PRRC2C: variants seen among roughly 807,000 people sequenced by gnomAD.
The protein encoded by PRRC2C is protein PRRC2C.
PRRC2C carries 72 observed loss-of-function variants against 317.2 expected under a neutral mutation model. That is an observed-to-expected ratio of 0.23 (90% CI 0.19 to 0.28). The LOEUF (loss-of-function observed/expected upper bound fraction) is 0.28, where lower values mean the gene tolerates loss of function less well. Among genes scored for constraint, PRRC2C ranks in the 10% least tolerant of loss-of-function variants. The pLI, the probability that PRRC2C is intolerant of heterozygous loss-of-function variation, is 1.00. For synonymous variants in PRRC2C, 1,296 were observed against 1,205.9 expected (o/e 1.07, Z -1.55); for missense variants, 3,074 against 3,459.7 (o/e 0.89, Z 2.80).
At chr1:171,533,630 T>G (rs61814666) in intron 12 of PRRC2C, among the ~76,000 whole-genome samples, 10,857 of 152,058 alleles carry the variant, frequency 0.071, 538 homozygotes, top group Non-Finnish European at 0.11. Flanking sequence ...TGGTGGTGGT[T>G]GTTGTTGTTT....
chr1:171,503,692 T>C (rs1669614044), intron 1 of PRRC2C, among the ~76,000 whole-genome samples: 1 of 152,168 alleles, frequency 6.6e-6, no homozygotes, highest in Non-Finnish European at 1.5e-5. Flanking sequence ...ATTTCCCAAA[T>C]ACAAATGATG....
At chr1:171,554,101 T>TAA (rs1278138698) in intron 18 of PRRC2C, among the ~76,000 whole-genome samples, 1 of 152,212 alleles carries the variant, frequency 6.6e-6, no homozygotes, top group Non-Finnish European at 1.5e-5. Context: ...TGTGGGAGTC[T>TAA]AAGTCTCTTT....
Position 171,541,464 on chromosome 1 carries a change from C to T in PRRC2C, c.3998C>T (p.Pro1333Leu). 1.2e-6 allele frequency: 2 copies of T among 1,613,728 alleles called. No individual in the cohort carries two copies. Among genetic ancestry groups the T allele is most frequent in the South Asian group, 1.1e-5 (1 of 91,066 alleles). The change falls in exon 16 of 35, where the codon CCA becomes CTA. Residue 1333 changes from proline to leucine, a missense_variant. Coordinates refer to ENST00000647382, the MANE Select transcript of PRRC2C (RefSeq NM_001387844.1). The surrounding 1 kb of genome is among the most constrained non-coding windows in gnomAD (Gnocchi z 4.1). ...PYVRDDDKAK[P>L]GFLPKGEPTR... ...GTAAGGGATGACGATAAAGCTAAAC[C>T]AGGCTTTCTTCCTAAAGGAGAGCCT...
chr1:171,510,943 C>T (rs1056655593), intron 1 of PRRC2C: 27 of 152,040 alleles, frequency 1.8e-4, no homozygotes, highest in Admixed American at 1.7e-3. Context: ...ACTATACAAA[C>T]GTTGGGTGGC....
intron 25 of PRRC2C, 121 bp from the exon 26 acceptor site, chr1:171,577,313 C>A: frequency 1.4e-6 from 1 of 734,700 alleles, no homozygotes. Context: ...TGGCCTGAAG[C>A]AGTATATAAG....
At chr1:171,530,317 C>G (rs1363407943) in intron 11 of PRRC2C, among the ~76,000 whole-genome samples, 1 of 136,664 alleles carries the variant, frequency 7.3e-6, no homozygotes, top group Non-Finnish European at 1.5e-5. Context: ...GATCTCAGCT[C>G]ATTGCAGCCT....
chr1:171,582,478 A>G (rs1648851855), intron 28 of PRRC2C, among the ~76,000 whole-genome samples: 1 of 152,166 alleles, frequency 6.6e-6, no homozygotes, highest in Non-Finnish European at 1.5e-5. Flanking sequence ...TCCTTTTTCA[A>G]ACATCATAGA....
intron 17 of PRRC2C, among the ~76,000 whole-genome samples, chr1:171,547,472 C>CATGA (rs1679328874): frequency 6.6e-6 from 1 of 152,038 alleles, no homozygotes; most frequent in Non-Finnish European, 1.5e-5. Flanking sequence ...GTAATGTGTG[C>CATGA]ATGACATCCT....
At chr1:171,512,962 TG>T in intron 2 of PRRC2C, 32 bp from the exon 3 acceptor site, 1 of 1,557,222 alleles carries the variant, frequency 6.4e-7, no homozygotes, top group Non-Finnish European at 8.7e-7. Context: ...ATAAAATAGA[TG>T]TTCTAAGAAA....
chr1:171,525,237 G>C (rs1255832168), intron 10 of PRRC2C, among the ~76,000 whole-genome samples: 1 of 152,038 alleles, frequency 6.6e-6, no homozygotes, highest in Non-Finnish European at 1.5e-5. Context: ...AAAGTGTAGG[G>C]ATAATATTTT....
rs746267247 is a variant in PRRC2C at position 171,541,248 on chromosome 1, G to A, written c.3782G>A (p.Arg1261Gln). ...SDFEVVPKRR[R>Q]QRGSETDTDS... ...TTTGAAGTTGTCCCCAAAAGAAGAC[G>A]ACAGCGGGGTTCAGAGACTGACACA... The change falls in exon 16 of 35, where the codon CGA (arginine) becomes CAA (glutamine). Residue 1261 changes from arginine to glutamine, a missense_variant. This residue lies in a region of PRRC2C where 1,320 missense variants were observed against 1,395.7 expected (regional missense o/e 0.95). Coordinates refer to ENST00000647382, the MANE Select transcript of PRRC2C (RefSeq NM_001387844.1). The surrounding 1 kb of genome is among the most constrained non-coding windows in gnomAD (Gnocchi z 4.1). 1.2e-5 allele frequency: 20 copies of A among 1,613,760 alleles called. No homozygotes were observed. The highest frequency in any genetic ancestry group is 4.4e-5 in the South Asian group (4 of 91,062).
intron 1 of PRRC2C, among the ~76,000 whole-genome samples, chr1:171,499,131 T>C (rs1197670185): frequency 6.6e-6 from 1 of 152,226 alleles, no homozygotes; most frequent in Non-Finnish European, 1.5e-5. Context: ...TCAGTGCTTC[T>C]TCCCAATGTC....
At chr1:171,547,633 CTTTTTTTTTTTTGTTTT>C (rs974963241) in intron 17 of PRRC2C, among the ~76,000 whole-genome samples, 3 of 129,840 alleles carry the variant, frequency 2.3e-5, no homozygotes, top group South Asian at 2.4e-4. Context: ...AGTTTCCCTT[CTTTTTTTTTTTTGTTTT>C]TTTTTTTTTT....
At position 171,579,876 on chromosome 1, in the gene PRRC2C, G is replaced by A; in HGVS notation, c.7321G>A (p.Gly2441Arg). The A allele has an allele frequency of 6.3e-7, 1 of 1,594,606 alleles. No homozygotes were observed. The highest frequency in any genetic ancestry group is 8.5e-7 in the Non-Finnish European group (1 of 1,172,740). ...IPIPIYAPLQ[G>R]QHQAQLSLGA... ...AATCCCTATTTATGCACCACTGCAA[G>A]GGCAGCATCAAGCCCAACTGAGTTT... The change falls in exon 28 of 35, where the codon GGG becomes AGG. Residue 2441 changes from glycine to arginine, a missense_variant. Gly to Arg is a moderately radical substitution (Grantham distance 125). Coordinates refer to ENST00000647382, the MANE Select transcript of PRRC2C (RefSeq NM_001387844.1).
At chr1:171,546,172 A>G (rs962504799) in intron 17 of PRRC2C, among the ~76,000 whole-genome samples, 1 of 152,236 alleles carries the variant, frequency 6.6e-6, no homozygotes, top group Non-Finnish European at 1.5e-5. Context: ...TAAATAGGAA[A>G]GCCATGAAGT....
intron 26 of PRRC2C, among the ~76,000 whole-genome samples, chr1:171,579,113 G>A (rs533087701): frequency 3.1e-4 from 47 of 152,092 alleles, no homozygotes; most frequent in Non-Finnish European, 5.1e-4. Context: ...CCCCATTGGC[G>A]GTATATAAAT....
intron 23 of PRRC2C, among the ~76,000 whole-genome samples, chr1:171,570,184 A>C (rs1228416377): frequency 6.6e-6 from 1 of 152,180 alleles, no homozygotes; most frequent in Non-Finnish European, 1.5e-5. Context: ...TTCTGAACTC[A>C]ATGTAGAGTT....
At chr1:171,567,289 G>T (rs1253437469) in intron 22 of PRRC2C, among the ~76,000 whole-genome samples, 5 of 151,984 alleles carry the variant, frequency 3.3e-5, no homozygotes, top group Non-Finnish European at 5.9e-5. Flanking sequence ...AACACTGGAG[G>T]CTGTTGACTC....
chr1:171,529,732 G>A (rs952656465), intron 11 of PRRC2C, among the ~76,000 whole-genome samples: 1 of 152,092 alleles, frequency 6.6e-6, no homozygotes, highest in Non-Finnish European at 1.5e-5. Context: ...TATGGATTAG[G>A]TCCGTTACTC....
Sources: gnomAD v4.1 joint callset for allele counts (sites outside exome capture counted in the v4.1 genomes callset) on GRCh38, gnomAD v4.1.1 for gene constraint, gnomAD v4.1.1 regional missense constraint, Gnocchi (gnomAD v3.1) non-coding constraint, MANE v1.5 for transcripts, NCBI Gene and HGNC (gene_info 2026-07-23, HGNC 2026-07-21) for gene names.